Variants in MACROD1 observed in about 807,000 individuals in gnomAD.
MACROD1 encodes ADP-ribose glycohydrolase MACROD1.
In MACROD1, 31 loss-of-function variants were observed where a neutral mutation model predicts 41.4. The ratio of observed to expected loss-of-function variants is 0.75; its 90% CI spans 0.56 to 1.01. The LOEUF (loss-of-function observed/expected upper bound fraction) is 1.01. Ranked by LOEUF, MACROD1 falls within the 50% of genes least tolerant of loss-of-function variation. MACROD1 has a pLI of 0.00. For synonymous variants in MACROD1, 252 were observed against 203.4 expected (o/e 1.24, Z -2.03); for missense variants, 473 against 460.0 (o/e 1.03, Z -0.26).
In MACROD1 at chr11:64,044,563, C is replaced by T. The variant is rs190385495; in HGVS notation, c.518-29282G>A. 7.2e-5 allele frequency among the ~76,000 whole-genome samples: 11 copies of T among 152,258 alleles called. No individual in the cohort carries two copies. The East Asian group carries it at 2.1e-3, about 29-fold the overall frequency. On this transcript the variant is annotated intron_variant, in intron 3 of 10. Transcript: ENST00000255681. Reference sequence around the variant, plus strand: ...CTCCCAGCAACTTCTGAAGTAGGCACTATTATTATCCTGATTTTACCCCAG... The same window carrying T: ...CTCCCAGCAACTTCTGAAGTAGGCATTATTATTATCCTGATTTTACCCCAG...
chr11:64,034,031 C>T (rs558811628), intron 3 of MACROD1, among the ~76,000 whole-genome samples: 1 of 152,338 alleles, frequency 6.6e-6, no homozygotes, highest in South Asian at 2.1e-4. Flanking sequence ...ACAATCCATT[C>T]CACTGCGAGG....
chr11:64,136,926 G>A (rs1420383843), intron 3 of MACROD1, among the ~76,000 whole-genome samples: 7 of 152,196 alleles, frequency 4.6e-5, no homozygotes, highest in Non-Finnish European at 7.4e-5. Context: ...GCAGCGGGGA[G>A]GGCTGGTGCG....
Position 64,060,076 on chromosome 11 carries a change from A to G in MACROD1, c.518-44795T>C, listed in dbSNP as rs553368751. ...TCCCTAAGGGGCAACTAACAGACCA[A>G]TTAAGCTGCCAATAAAAAATTTAAT... On this transcript the variant is annotated intron_variant, in intron 3 of 10. Transcript: ENST00000255681. Among the ~76,000 whole-genome samples the G allele has an allele frequency of 2.3e-3, 354 of 152,366 alleles. 4 individuals carry two copies. The highest frequency in any genetic ancestry group is 6.6e-3 in the African/African-American group (276 of 41,592).
chr11:64,125,673 T>G (rs981107558), intron 3 of MACROD1, among the ~76,000 whole-genome samples: 6 of 152,206 alleles, frequency 3.9e-5, no homozygotes, highest in Non-Finnish European at 7.3e-5. Context: ...GTGAGCCAGA[T>G]GGAGAAATGT....
At chr11:64,114,004 GTGGATGCA>G (rs1171603476) in intron 3 of MACROD1, among the ~76,000 whole-genome samples, 1 of 124,608 alleles carries the variant, frequency 8.0e-6, no homozygotes. Context: ...GAATGGACAG[GTGGATGCA>G]TGGATGGATG....
chr11:64,017,103 G>T (rs901417475), intron 3 of MACROD1, among the ~76,000 whole-genome samples: 17 of 152,268 alleles, frequency 1.1e-4, no homozygotes, highest in African/African-American at 3.6e-4. Flanking sequence ...CTGAGTAGCT[G>T]GGACTACAGG....
At chr11:64,046,590 C>T (rs1164180144) in intron 3 of MACROD1, among the ~76,000 whole-genome samples, 9 of 152,128 alleles carry the variant, frequency 5.9e-5, no homozygotes, top group Admixed American at 3.9e-4. Flanking sequence ...TTGTTCTCGT[C>T]GCTCAGGCTA....
chr11:64,090,568 C>A lies in MACROD1; in HGVS notation c.517+60671G>T, dbSNP rs900399851. On this transcript the variant is annotated intron_variant, in intron 3 of 10. Coordinates refer to ENST00000255681, the MANE Select transcript of MACROD1 (RefSeq NM_014067.4). This position sits in a 1 kb window ranked among gnomAD's most constrained non-coding sequence, Gnocchi z 4.7. ...TCACAGGTGGCTGGGCCAGGAGGCTCCGGGATGAGGCAGGAAGTGGAGGCT... is the reference window on the plus strand; with the variant it reads ...TCACAGGTGGCTGGGCCAGGAGGCTACGGGATGAGGCAGGAAGTGGAGGCT... 5.9e-5 allele frequency among the ~76,000 whole-genome samples: 9 copies of A among 152,162 alleles called. No individual in the cohort carries two copies. Among genetic ancestry groups the A allele is most frequent in the Non-Finnish European group, 1.0e-4 (7 of 68,022 alleles).
intron 3 of MACROD1, chr11:64,117,928 C>T (rs142645704): frequency 3.1e-5 from 50 of 1,613,774 alleles, no homozygotes; most frequent in Non-Finnish European, 4.0e-5. Context: ...CTGCCCCTGG[C>T]GGGCATCATC....
intron 3 of MACROD1, among the ~76,000 whole-genome samples, chr11:64,110,630 G>A (rs1944844729): frequency 6.6e-6 from 1 of 152,004 alleles, no homozygotes; most frequent in Non-Finnish European, 1.5e-5. Context: ...TACAGCCTGA[G>A]CCATCCCACT....
intron 3 of MACROD1, among the ~76,000 whole-genome samples, chr11:64,015,735 A>G (rs1161124575): frequency 6.6e-6 from 1 of 152,200 alleles, no homozygotes; most frequent in Non-Finnish European, 1.5e-5. Context: ...ACTAGGAAGC[A>G]AACTGCACCT....
At chr11:64,139,246 C>T (rs1590959472) in intron 3 of MACROD1, among the ~76,000 whole-genome samples, 1 of 152,342 alleles carries the variant, frequency 6.6e-6, no homozygotes, top group East Asian at 1.9e-4. Flanking sequence ...GCTCCTGCAT[C>T]CTCCCGTCCT....
At chr11:64,103,028 G>T (rs1223899026) in intron 3 of MACROD1, among the ~76,000 whole-genome samples, 2 of 151,552 alleles carry the variant, frequency 1.3e-5, no homozygotes, top group African/African-American at 4.9e-5. Context: ...CCGAGATTGT[G>T]CCACTGCACT....
At chr11:64,048,437 G>A (rs1044539172) in intron 3 of MACROD1, among the ~76,000 whole-genome samples, 3 of 152,310 alleles carry the variant, frequency 2.0e-5, no homozygotes, top group Admixed American at 1.3e-4. Flanking sequence ...GGCCTGGGAC[G>A]GGTGTGGCCT....
At chr11:64,049,804 C>A (rs374570229) in intron 3 of MACROD1, among the ~76,000 whole-genome samples, 1 of 152,178 alleles carries the variant, frequency 6.6e-6, no homozygotes, top group Admixed American at 6.5e-5. Context: ...CAAGTGAAGT[C>A]GTCTCTGCAG....
At position 64,135,837 on chromosome 11, in the gene MACROD1, G is replaced by T. The variant is rs199943647; in HGVS notation, c.517+15402C>A. ...CTCTGGTGCCCCTGCCCAAGGCTGT[G>T]TGGTTCCCCAAGAACCAGGGAAGCC... is the stretch of plus-strand genomic sequence containing the variant. On this transcript the variant is annotated intron_variant, in intron 3 of 10. Coordinates refer to ENST00000255681, the MANE Select transcript of MACROD1 (RefSeq NM_014067.4). Among the ~76,000 whole-genome samples, 281 of 152,286 alleles carry T rather than the reference G, an allele frequency of 1.8e-3. 3 individuals are homozygous for T. The South Asian group carries it at 0.026, about 14-fold the overall frequency.
intron 3 of MACROD1, among the ~76,000 whole-genome samples, chr11:64,077,104 T>C (rs1944216529): frequency 6.6e-6 from 1 of 152,044 alleles, no homozygotes; most frequent in Non-Finnish European, 1.5e-5. Context: ...CCCAGTGCCC[T>C]CCACCTCAGT....
At chr11:64,125,166 AG>A (rs1945159684) in intron 3 of MACROD1, among the ~76,000 whole-genome samples, 1 of 152,134 alleles carries the variant, frequency 6.6e-6, no homozygotes, top group African/African-American at 2.4e-5. Context: ...CTGAGGGCAT[AG>A]GGCAACCTGT....
chr11:64,117,519 G>C, intron 3 of MACROD1: 1 of 1,605,622 alleles, frequency 6.2e-7, no homozygotes. Flanking sequence ...CAAAAGGCCA[G>C]GGCTGCGCCT....
Sources: gnomAD v4.1 joint callset for allele counts (sites outside exome capture counted in the v4.1 genomes callset) on GRCh38, gnomAD v4.1.1 for gene constraint, Gnocchi (gnomAD v3.1) non-coding constraint, MANE v1.5 for transcripts, NCBI Gene and HGNC (gene_info 2026-07-23, HGNC 2026-07-21) for gene names.